Variants in NRG1 observed in about 807,000 individuals in gnomAD.
NRG1 encodes pro-neuregulin-1, membrane-bound isoform.
Under a neutral mutation model 63.8 loss-of-function variants are expected in NRG1, and 18 were observed. That is an observed-to-expected ratio of 0.28 (90% confidence interval 0.19 to 0.42). The LOEUF (loss-of-function observed/expected upper bound fraction) is 0.42, where lower values mean the gene tolerates loss of function less well. Among genes scored for constraint, NRG1 ranks in the 10% least tolerant of loss-of-function variants. The pLI is 1.00. For missense variants in NRG1, 762 were observed against 814.7 expected, an observed-to-expected ratio of 0.94 and a Z score of 0.79; for synonymous variants, 302 against 301.3, an observed-to-expected ratio of 1.00 and a Z score of -0.02.
intron 1 of NRG1, among the ~76,000 whole-genome samples, chr8:32,168,970 G>A (rs1202241091): frequency 6.6e-6 from 1 of 152,200 alleles, no homozygotes; most frequent in Non-Finnish European, 1.5e-5. Context: ...AATGCTGAGA[G>A]GTATTTCCCT....
chr8:32,529,722 C>T (rs974575997), intron 1 of NRG1, among the ~76,000 whole-genome samples: 1 of 151,926 alleles, frequency 6.6e-6, no homozygotes, highest in Non-Finnish European at 1.5e-5. Flanking sequence ...ATATCACTGT[C>T]CTCCACCTCC....
At chr8:31,765,188 C>A (rs1189048447) in intron 1 of NRG1, among the ~76,000 whole-genome samples, 1 of 152,052 alleles carries the variant, frequency 6.6e-6, no homozygotes, top group Admixed American at 6.6e-5. Flanking sequence ...TTGTATCTTG[C>A]AACCTTACTG....
intron 3 of NRG1, chr8:32,614,286 T>C (rs1315402903): frequency 1.0e-5 from 4 of 394,152 alleles, no homozygotes. Context: ...GCTTCCTAAT[T>C]ATTTTAGCAC....
At chr8:32,668,085 T>C (rs1431530542) in intron 5 of NRG1, among the ~76,000 whole-genome samples, 2 of 151,862 alleles carry the variant, frequency 1.3e-5, no homozygotes, top group Non-Finnish European at 2.9e-5. Flanking sequence ...TAATGGTGGG[T>C]GCCTGTAGTC....
rs200720224 is a variant in NRG1, at chr8:31,690,795, C to G, written c.37+51364C>G. On this transcript the variant is annotated intron_variant, in intron 1 of 10. Coordinates refer to the NRG1 transcript ENST00000519301. Reference sequence around the variant, plus strand: ...TTGCCATCAACTGAAATAAGGAAGGCTATGATGAGCAGGTTTGGTAGAGAA... The same window carrying G: ...TTGCCATCAACTGAAATAAGGAAGGGTATGATGAGCAGGTTTGGTAGAGAA... Among the ~76,000 whole-genome samples the G allele has an allele frequency of 2.0e-4, 30 of 152,154 alleles. No homozygotes were observed. The East Asian group carries it at 5.8e-3, about 29-fold the overall frequency.
intron 1 of NRG1, among the ~76,000 whole-genome samples, chr8:31,863,117 G>A: frequency 6.6e-6 from 1 of 152,092 alleles, no homozygotes; most frequent in Admixed American, 6.5e-5. Flanking sequence ...CTATCAATCT[G>A]CTTGTAAGCA....
At chr8:32,112,250 C>A (rs1832125256) in intron 1 of NRG1, among the ~76,000 whole-genome samples, 3 of 152,136 alleles carry the variant, frequency 2.0e-5, no homozygotes, top group Non-Finnish European at 4.4e-5. Context: ...TGACTCCTGC[C>A]AAGTGGTTTT....
At chr8:32,010,091 C>T (rs1346633009) in intron 1 of NRG1, among the ~76,000 whole-genome samples, 2 of 152,168 alleles carry the variant, frequency 1.3e-5, no homozygotes, top group East Asian at 3.9e-4. Flanking sequence ...GACTGCATTT[C>T]CTGGGCACCT....
At chr8:31,998,835 T>C (rs1186812547) in intron 1 of NRG1, among the ~76,000 whole-genome samples, 1 of 151,992 alleles carries the variant, frequency 6.6e-6, no homozygotes, top group Non-Finnish European at 1.5e-5. Context: ...TTTGTGAACA[T>C]GCAATGTTCA....
chr8:32,563,243 C>T (rs1259106650), intron 1 of NRG1, among the ~76,000 whole-genome samples: 1 of 152,134 alleles, frequency 6.6e-6, no homozygotes, highest in East Asian at 1.9e-4. Context: ...CACTTAGAGT[C>T]TTTAGTAGTG....
intron 5 of NRG1, among the ~76,000 whole-genome samples, chr8:32,725,285 G>A (rs1347972197): frequency 6.6e-6 from 1 of 152,058 alleles, no homozygotes; most frequent in Non-Finnish European, 1.5e-5. Context: ...ACTAGGGTCT[G>A]CTTGAGGTTC....
At chr8:32,467,606 G>A (rs1823232665) in intron 1 of NRG1, among the ~76,000 whole-genome samples, 1 of 152,120 alleles carries the variant, frequency 6.6e-6, no homozygotes, top group Admixed American at 6.6e-5. Context: ...TCCTAGTAGG[G>A]GCCACATATT....
intron 1 of NRG1, among the ~76,000 whole-genome samples, chr8:31,835,315 A>G (rs906574455): frequency 2.0e-5 from 3 of 152,226 alleles, no homozygotes; most frequent in Non-Finnish European, 4.4e-5. Context: ...TTCATTCTGT[A>G]AAAATAGAAC....
chr8:32,647,170 C>T, intron 5 of NRG1: 1 of 985,328 alleles, frequency 1.0e-6, no homozygotes. Context: ...TGATTCAGCC[C>T]CTTTCAGCCG....
intron 5 of NRG1, among the ~76,000 whole-genome samples, chr8:32,664,389 A>G (rs909587149): frequency 3.3e-5 from 5 of 152,000 alleles, no homozygotes; most frequent in Non-Finnish European, 7.4e-5. Flanking sequence ...GTGGGCCTTG[A>G]GAGTAACATA....
chr8:32,450,128 G>T, intron 1 of NRG1, among the ~76,000 whole-genome samples: 1 of 152,304 alleles, frequency 6.6e-6, no homozygotes, highest in South Asian at 2.1e-4. Flanking sequence ...GCCTTCAGGG[G>T]ACTAAGCAGG....
intron 1 of NRG1, among the ~76,000 whole-genome samples, chr8:32,185,019 T>C: frequency 6.6e-6 from 1 of 152,220 alleles, no homozygotes; most frequent in East Asian, 1.9e-4. Flanking sequence ...GACTTTTGTG[T>C]GTAAATGAAT....
Position 32,152,700 on chromosome 8 carries a change from G to A in NRG1, c.38-443128G>A, listed in dbSNP as rs577820561. On this transcript the variant is annotated intron_variant, in intron 1 of 10. Transcript: ENST00000519301. ...AATATAGAAAGAATTGTCCCAAAGA[G>A]TGACTGCTGAACTGGTTAAATCCAC... 3.3e-5 allele frequency among the ~76,000 whole-genome samples: 5 copies of A among 152,226 alleles called. No homozygotes were observed. The East Asian group carries it at 7.7e-4, about 24-fold the overall frequency.
chr8:32,494,276 T>C (rs1286044438), intron 1 of NRG1, among the ~76,000 whole-genome samples: 2 of 152,214 alleles, frequency 1.3e-5, no homozygotes, highest in Non-Finnish European at 2.9e-5. Flanking sequence ...AAATAACCCA[T>C]AGTTGCCCCA....
Sources: gnomAD v4.1 joint callset for allele counts (sites outside exome capture counted in the v4.1 genomes callset) on GRCh38, gnomAD v4.1.1 for gene constraint, MANE v1.5 for transcripts, NCBI Gene and HGNC (gene_info 2026-07-23, HGNC 2026-07-21) for gene names.